Variants in UVRAG observed in about 807,000 individuals in gnomAD.
UVRAG encodes the protein UV radiation resistance-associated gene protein.
UVRAG carries 19 observed loss-of-function variants against 78.0 expected under a neutral mutation model. The ratio of observed to expected loss-of-function variants is 0.24; its 90% CI spans 0.17 to 0.36. UVRAG has a LOEUF of 0.36. Among genes scored for constraint, UVRAG ranks in the 10% least tolerant of loss-of-function variants. The pLI is 1.00. For missense variants in UVRAG, 740 were observed against 853.8 expected, an observed-to-expected ratio of 0.87 and a Z score of 1.66; for synonymous variants, 323 against 324.6, an observed-to-expected ratio of 1.00 and a Z score of 0.05.
intron 12 of UVRAG, among the ~76,000 whole-genome samples, chr11:76,052,881 C>T (rs1008746638): frequency 4.6e-5 from 7 of 151,518 alleles, no homozygotes; most frequent in Admixed American, 2.6e-4. Flanking sequence ...TCGATATTTT[C>T]GGCCCAAATT....
intron 7 of UVRAG, among the ~76,000 whole-genome samples, chr11:75,982,200 T>G (rs1022206696): frequency 6.6e-6 from 1 of 152,148 alleles, no homozygotes; most frequent in Non-Finnish European, 1.5e-5. Flanking sequence ...ACCTCTCTGG[T>G]AGGGGAAAGA....
chr11:75,833,311 A>T (rs1362829466), intron 1 of UVRAG, among the ~76,000 whole-genome samples: 6 of 151,966 alleles, frequency 3.9e-5, no homozygotes, highest in Non-Finnish European at 8.8e-5. Flanking sequence ...CTTCAGGGAG[A>T]CTCAGGTAAA....
intron 2 of UVRAG, among the ~76,000 whole-genome samples, chr11:75,858,741 C>T (rs1040165227): frequency 6.6e-6 from 1 of 152,206 alleles, no homozygotes; most frequent in Non-Finnish European, 1.5e-5. Flanking sequence ...ACAGCTTCAA[C>T]CACCAAGCCT....
At chr11:75,879,728 A>T in intron 3 of UVRAG, 151 bp from the exon 4 acceptor site, 3 of 948,994 alleles carry the variant, frequency 3.2e-6, no homozygotes, top group Non-Finnish European at 4.7e-6. Flanking sequence ...CTTTTGTGTT[A>T]ATTGTAATGT....
chr11:75,864,249 T>C (rs189170117), intron 3 of UVRAG, among the ~76,000 whole-genome samples: 20 of 152,134 alleles, frequency 1.3e-4, no homozygotes, highest in Non-Finnish European at 2.4e-4. Flanking sequence ...AGAGACAGGG[T>C]TTCACCATGT....
rs752751532 is a variant in UVRAG at position 75,879,948 on chromosome 11, G to C, written c.340G>C (p.Val114Leu). 3 of 1,614,060 alleles carry C rather than the reference G, an allele frequency of 1.9e-6. No homozygotes were observed. The highest frequency in any genetic ancestry group is 2.2e-5 in the East Asian group (1 of 44,894). Residue 114 changes from valine to leucine, a missense_variant, in exon 4 of 15, where the codon GTG (valine) becomes CTG (leucine). By Grantham distance (32) the Val-to-Leu change is conservative. Coordinates refer to ENST00000356136, the MANE Select transcript of UVRAG (RefSeq NM_003369.4). ...TCTTGATACATCTGTGTCTTGTTTC[G>C]TGGTGAAGATATGGGGTGGAAAGGA... is the stretch of plus-strand genomic sequence containing the variant. ...DRLDTSVSCF[V>L]VKIWGGKENI...
chr11:76,042,373 G>A (rs1282758868), intron 12 of UVRAG, among the ~76,000 whole-genome samples: 1 of 152,146 alleles, frequency 6.6e-6, no homozygotes, highest in African/African-American at 2.4e-5. Context: ...AGTAAACACA[G>A]ATATTAACCA....
At chr11:76,129,898 GAC>G (rs1212083042) in intron 14 of UVRAG, among the ~76,000 whole-genome samples, 2 of 150,598 alleles carry the variant, frequency 1.3e-5, no homozygotes, top group Middle Eastern at 3.2e-3. Context: ...CTGCACCTCT[GAC>G]ACACACACTC....
At chr11:75,927,926 T>A (rs1016701025) in intron 6 of UVRAG, among the ~76,000 whole-genome samples, 1 of 152,034 alleles carries the variant, frequency 6.6e-6, no homozygotes, top group Non-Finnish European at 1.5e-5. Flanking sequence ...GTGATCTGAT[T>A]TCTAGTTTTT....
intron 8 of UVRAG, among the ~76,000 whole-genome samples, chr11:75,996,894 G>C (rs1166272010): frequency 6.6e-6 from 1 of 152,178 alleles, no homozygotes; most frequent in Non-Finnish European, 1.5e-5. Flanking sequence ...TCTGACCTCA[G>C]CTGTCAAGCC....
chr11:76,023,055 T>TC (rs1412720891), intron 12 of UVRAG, among the ~76,000 whole-genome samples: 1 of 152,172 alleles, frequency 6.6e-6, no homozygotes. Flanking sequence ...CCTCTCCTCC[T>TC]CCCTCCCATC....
intron 6 of UVRAG, among the ~76,000 whole-genome samples, chr11:75,947,590 G>GAA (rs1948609982): frequency 6.6e-6 from 1 of 152,166 alleles, no homozygotes. Flanking sequence ...ATGTGTCTGT[G>GAA]AAAAAGCACT....
chr11:76,033,869 A>G (rs1950480745), intron 12 of UVRAG, among the ~76,000 whole-genome samples: 1 of 152,196 alleles, frequency 6.6e-6, no homozygotes, highest in Admixed American at 6.5e-5. Context: ...ATAGAGGAAG[A>G]GAAACTCTCA....
At chr11:75,955,556 A>G (rs1039579165) in intron 6 of UVRAG, among the ~76,000 whole-genome samples, 5 of 152,172 alleles carry the variant, frequency 3.3e-5, no homozygotes, top group Non-Finnish European at 5.9e-5. Flanking sequence ...AGTGAAATGC[A>G]CAGATCTTAA....
At chr11:76,048,332 T>C (rs1264298339) in intron 12 of UVRAG, among the ~76,000 whole-genome samples, 1 of 152,232 alleles carries the variant, frequency 6.6e-6, no homozygotes, top group East Asian at 1.9e-4. Context: ...TAAGCTGTTG[T>C]GTGATGCAGA....
chr11:76,129,283 A>G (rs1952471300), intron 14 of UVRAG, among the ~76,000 whole-genome samples: 1 of 152,212 alleles, frequency 6.6e-6, no homozygotes, highest in South Asian at 2.1e-4. Flanking sequence ...TACACAAGGG[A>G]TCATTTAGCA....
intron 14 of UVRAG, among the ~76,000 whole-genome samples, chr11:76,132,631 T>C (rs1952532292): frequency 6.6e-6 from 1 of 152,212 alleles, no homozygotes; most frequent in South Asian, 2.1e-4. Context: ...TTTACATGCT[T>C]TCTTTATTTC....
chr11:76,032,824 C>T (rs1163783435), intron 12 of UVRAG, among the ~76,000 whole-genome samples: 1 of 152,164 alleles, frequency 6.6e-6, no homozygotes, highest in Non-Finnish European at 1.5e-5. Context: ...ACCAAAGCCT[C>T]CACTTTCTCA....
chr11:75,997,169 A>G (rs1209024122), intron 8 of UVRAG, among the ~76,000 whole-genome samples: 1 of 152,246 alleles, frequency 6.6e-6, no homozygotes, highest in Admixed American at 6.5e-5. Flanking sequence ...TCTGCAGGGA[A>G]GGAAGCTAAA....
Sources: gnomAD v4.1 joint callset for allele counts (sites outside exome capture counted in the v4.1 genomes callset) on GRCh38, gnomAD v4.1.1 for gene constraint, MANE v1.5 for transcripts, NCBI Gene and HGNC (gene_info 2026-07-23, HGNC 2026-07-21) for gene names.